Variants in ZNF138 observed in about 807,000 individuals in gnomAD.
ZNF138 encodes zinc finger protein 138, also known as zinc finger protein 138 (clone pHZ-32).
Under a neutral mutation model 33.0 loss-of-function variants are expected in ZNF138, and 33 were observed. That is an observed-to-expected ratio of 1.00 (90% CI 0.76 to 1.34). ZNF138 has a LOEUF of 1.34. ZNF138 is among the 40% of genes most tolerant of loss of function. The probability of loss-of-function intolerance (pLI) is 0.00; values close to 1 mark genes in which losing one functional copy is unlikely to be tolerated. For synonymous variants in ZNF138, 139 were observed against 120.4 expected (o/e 1.15, Z -1.01); for missense variants, 360 against 370.8 (o/e 0.97, Z 0.24).
At chr7:64,860,001 G>C in the ZNF138 span, among the ~76,000 whole-genome samples, 1 of 152,152 alleles carries the variant, frequency 6.6e-6, no homozygotes, top group African/African-American at 2.4e-5. Flanking sequence ...GCCAGGCATG[G>C]TGGCACGCAC....
chr7:64,853,055 A>T, the ZNF138 span: 1 of 1,461,496 alleles, frequency 6.8e-7, no homozygotes, highest in Non-Finnish European at 9.6e-7. Flanking sequence ...GGCACATGCT[A>T]TCCTGCCTGT....
In ZNF138 at chr7:64,831,588, G is replaced by T. The variant is rs188707806; in HGVS notation, c.346G>T (p.Glu116Ter). 1.2e-4 allele frequency: 198 copies of T among 1,612,874 alleles called. No homozygotes were observed. The highest frequency in any genetic ancestry group is 1.7e-4 in the Middle Eastern group (1 of 6,046). Residue 116 changes from glutamate (E) to a stop codon, truncating the protein, a stop_gained, in exon 4 of 4, where the codon GAG becomes TAG. Coordinates refer to ENST00000307355, the MANE Select transcript of ZNF138 (RefSeq NM_001271639.2). LOFTEE classifies it high-confidence loss of function. The part of the protein sequence containing the change: ...QLRKGCKSVD[E>*]CKGHQGGFNG... ...AAGAAAAGGCTGTAAAAGTGTGGAT[G>T]AGTGTAAGGGACACCAAGGAGGTTT...
chr7:64,847,321 T>TAC, the ZNF138 span, among the ~76,000 whole-genome samples: 36 of 110,154 alleles, frequency 3.3e-4, no homozygotes, highest in Non-Finnish European at 4.9e-4. Context: ...AATACATATA[T>TAC]ATATATATAT....
chr7:64,804,107 C>T (rs1209244958), intron 1 of ZNF138, among the ~76,000 whole-genome samples: 1 of 152,210 alleles, frequency 6.6e-6, no homozygotes, highest in Admixed American at 6.5e-5. Flanking sequence ...CATACTGTCT[C>T]ATGCCCAATT....
At chr7:64,824,641 A>G (rs781773373) in intron 3 of ZNF138, among the ~76,000 whole-genome samples, 3 of 152,174 alleles carry the variant, frequency 2.0e-5, no homozygotes, top group Non-Finnish European at 4.4e-5. Context: ...CTGATGTTGT[A>G]CATGCACATA....
intron 1 of ZNF138, among the ~76,000 whole-genome samples, chr7:64,807,453 A>G (rs1490086774): frequency 6.6e-6 from 1 of 152,194 alleles, no homozygotes; most frequent in Non-Finnish European, 1.5e-5. Flanking sequence ...CTGTCTACTT[A>G]TATTCATGTT....
chr7:64,821,655 T>C (rs1243384818), intron 3 of ZNF138, among the ~76,000 whole-genome samples: 1 of 151,236 alleles, frequency 6.6e-6, no homozygotes. Flanking sequence ...CAAGTGATTC[T>C]CATGCCTCAG....
the ZNF138 span, among the ~76,000 whole-genome samples, chr7:64,850,038 A>G: frequency 6.6e-6 from 1 of 152,210 alleles, no homozygotes; most frequent in Non-Finnish European, 1.5e-5. Flanking sequence ...GGTCCTTTCC[A>G]AGTTCCCCTG....
At chr7:64,805,649 G>A (rs1169680410) in intron 1 of ZNF138, among the ~76,000 whole-genome samples, 1 of 152,200 alleles carries the variant, frequency 6.6e-6, no homozygotes, top group Non-Finnish European at 1.5e-5. Context: ...CAGCCACTAG[G>A]AGAGGGCAAG....
downstream of ZNF138, chr7:64,836,656 C>T (rs915727683): frequency 3.3e-5 from 5 of 152,144 alleles, no homozygotes; most frequent in Non-Finnish European, 7.3e-5. Context: ...TTTTTCAGTA[C>T]GAATTAATGC....
chr7:64,810,186 G>A (rs1370919381), intron 1 of ZNF138, among the ~76,000 whole-genome samples: 2 of 143,794 alleles, frequency 1.4e-5, no homozygotes, highest in African/African-American at 2.6e-5. Context: ...CTGAGTGAAC[G>A]AGACTCCGTC....
At chr7:64,821,511 T>C (rs1009644083) in intron 3 of ZNF138, among the ~76,000 whole-genome samples, 6 of 151,714 alleles carry the variant, frequency 4.0e-5, no homozygotes, top group Non-Finnish European at 7.4e-5. Context: ...CAATTATTTG[T>C]TCATTTCTAA....
Position 64,814,957 on chromosome 7 carries a change from T to C in ZNF138, c.43T>C (p.Leu15=), listed in dbSNP as rs1343162495. ...TATGGATGTGGCCATAGAGTTCTCTTTGGAGGAGTGGCAGTGCCTGGACAC... is the reference window on the plus strand; with the variant it reads ...TATGGATGTGGCCATAGAGTTCTCTCTGGAGGAGTGGCAGTGCCTGGACAC... ...TFMDVAIEFS[L]EEWQCLDTAQ... The change falls in exon 2 of 4, where the codon TTG becomes CTG. Residue 15 remains leucine (L), a synonymous_variant. Transcript: ENST00000307355. 8.7e-6 allele frequency: 14 copies of C among 1,613,150 alleles called. No individual in the cohort carries two copies. In the East Asian group the frequency reaches 2.7e-4, roughly 31 times the overall value.
At chr7:64,827,849 CCT>C (rs1209679390) in intron 3 of ZNF138, among the ~76,000 whole-genome samples, 1 of 152,018 alleles carries the variant, frequency 6.6e-6, no homozygotes, top group Non-Finnish European at 1.5e-5. Flanking sequence ...GGGTATGCCA[CCT>C]CACACCAATC....
intron 3 of ZNF138, among the ~76,000 whole-genome samples, chr7:64,828,237 A>G (rs1008930448): frequency 6.6e-6 from 1 of 152,112 alleles, no homozygotes; most frequent in Non-Finnish European, 1.5e-5. Context: ...AAAAATTTAC[A>G]ATCAAGTATT....
chr7:64,832,353 G>C lies in ZNF138; in HGVS notation c.*151G>C. ...CCACAAATGTGAAGAATGTGGCAGAGCTTTTAACCAGTCCGCAAAGCTCAC... is the reference window on the plus strand; with the variant it reads ...CCACAAATGTGAAGAATGTGGCAGACCTTTTAACCAGTCCGCAAAGCTCAC... On this transcript the variant is annotated 3_prime_UTR_variant, in exon 4 of 4. Coordinates refer to ENST00000307355, the MANE Select transcript of ZNF138 (RefSeq NM_001271639.2). The C allele has an allele frequency of 6.4e-7, 1 of 1,558,590 alleles. No individual in the cohort carries two copies. The highest frequency in any genetic ancestry group is 8.6e-7 in the Non-Finnish European group (1 of 1,157,430).
At chr7:64,844,735 G>A in the ZNF138 span, among the ~76,000 whole-genome samples, 1 of 151,944 alleles carries the variant, frequency 6.6e-6, no homozygotes, top group Non-Finnish European at 1.5e-5. Flanking sequence ...CACCCAGGCT[G>A]GAGTACACTG....
the ZNF138 span, among the ~76,000 whole-genome samples, chr7:64,840,872 A>T: frequency 6.6e-6 from 1 of 152,192 alleles, no homozygotes; most frequent in African/African-American, 2.4e-5. Flanking sequence ...TAGAGTATAT[A>T]TGAGGATGAG....
intron 1 of ZNF138, among the ~76,000 whole-genome samples, chr7:64,810,551 G>T (rs1274437572): frequency 1.1e-5 from 1 of 89,894 alleles, no homozygotes; most frequent in African/African-American, 4.3e-5. Flanking sequence ...AACCCTAAGA[G>T]ATTTGTTTAA....
Sources: allele counts gnomAD v4.1 joint callset (sites outside exome capture counted in the v4.1 genomes callset), GRCh38; gene constraint gnomAD v4.1.1; transcripts MANE v1.5; gene names NCBI Gene and HGNC (gene_info 2026-07-23, HGNC 2026-07-21).